The following PDLIM5 variants were observed in gnomAD, a reference collection of about 807,000 sequenced individuals.
The protein encoded by PDLIM5 is PDZ and LIM domain protein 5.
PDLIM5 carries 34 observed loss-of-function variants against 64.2 expected under a neutral mutation model. The ratio of observed to expected loss-of-function variants is 0.53; its 90% CI spans 0.40 to 0.71. PDLIM5 has a LOEUF of 0.71. Among genes scored for constraint, PDLIM5 ranks in the 30% least tolerant of loss-of-function variants. PDLIM5 has a pLI of 0.00. For missense variants in PDLIM5, 683 were observed against 733.6 expected (o/e 0.93, Z 0.80); for synonymous variants, 253 against 269.1 (o/e 0.94, Z 0.59).
chr4:94,623,417 T>C (rs908778375), intron 8 of PDLIM5, among the ~76,000 whole-genome samples: 1 of 152,210 alleles, frequency 6.6e-6, no homozygotes, highest in Admixed American at 6.5e-5. Context: ...AACTTCTCTT[T>C]ACCTTTTAAG....
chr4:94,562,246 C>T (rs1442878359), intron 3 of PDLIM5, among the ~76,000 whole-genome samples: 1 of 152,058 alleles, frequency 6.6e-6, no homozygotes, highest in Non-Finnish European at 1.5e-5. Context: ...CAAACTGAGG[C>T]TTATATATTC....
intron 3 of PDLIM5, among the ~76,000 whole-genome samples, chr4:94,545,505 A>G (rs1336159892): frequency 6.6e-6 from 1 of 152,194 alleles, no homozygotes; most frequent in African/African-American, 2.4e-5. Context: ...AATTATGAGA[A>G]AGAATGTTGC....
chr4:94,659,318 A>G (rs1051878171), intron 11 of PDLIM5, among the ~76,000 whole-genome samples: 3 of 152,078 alleles, frequency 2.0e-5, no homozygotes, highest in Non-Finnish European at 4.4e-5. Context: ...AACGTATATC[A>G]TATTCATTTA....
At chr4:94,459,256 T>C (rs1723656822) in intron 2 of PDLIM5, among the ~76,000 whole-genome samples, 1 of 152,236 alleles carries the variant, frequency 6.6e-6, no homozygotes. Flanking sequence ...TGGGCTCTTT[T>C]CTTCACTGTC....
At chr4:94,623,656 G>A (rs1739432280) in intron 8 of PDLIM5, among the ~76,000 whole-genome samples, 1 of 151,998 alleles carries the variant, frequency 6.6e-6, no homozygotes, top group African/African-American at 2.4e-5. Flanking sequence ...CAGTTTATAG[G>A]CCCTCAGTAA....
intron 2 of PDLIM5, among the ~76,000 whole-genome samples, chr4:94,484,130 G>A (rs1345441394): frequency 6.6e-6 from 1 of 152,152 alleles, no homozygotes; most frequent in Admixed American, 6.6e-5. Flanking sequence ...TCATGGTTCA[G>A]CCAACTCAGC....
rs551634936 is a variant in PDLIM5, at chr4:94,632,254, T to A, written c.1109-8022T>A. Among the ~76,000 whole-genome samples the A allele has an allele frequency of 2.6e-5, 4 of 152,362 alleles. No homozygotes were observed. In the South Asian group the frequency reaches 8.3e-4, roughly 32 times the overall value. On this transcript the variant is annotated intron_variant, in intron 8 of 12. Coordinates refer to ENST00000317968, the MANE Select transcript of PDLIM5 (RefSeq NM_006457.5). The stretch of plus-strand genomic sequence containing the variant: ...AGTGCATTGTTTGGTACATAGCAGT[T>A]GTTCAAAAAACATTTGCCTCATTTC...
intron 2 of PDLIM5, among the ~76,000 whole-genome samples, chr4:94,459,527 A>G (rs1299825808): frequency 6.6e-6 from 1 of 152,244 alleles, no homozygotes; most frequent in East Asian, 1.9e-4. Flanking sequence ...CAGAATTGTG[A>G]AACACTTTGC....
intron 7 of PDLIM5, among the ~76,000 whole-genome samples, chr4:94,608,398 C>A (rs1738101813): frequency 6.6e-6 from 1 of 152,148 alleles, no homozygotes; most frequent in African/African-American, 2.4e-5. Context: ...ATCAAGAAAT[C>A]TCTTTCATTT....
intron 2 of PDLIM5, among the ~76,000 whole-genome samples, chr4:94,497,629 G>T (rs1727520715): frequency 6.6e-6 from 1 of 152,178 alleles, no homozygotes; most frequent in Non-Finnish European, 1.5e-5. Flanking sequence ...CTGTCTTAAA[G>T]CCTGTTTGTA....
chr4:94,602,234 T>C (rs954435923), intron 7 of PDLIM5, among the ~76,000 whole-genome samples: 2 of 152,200 alleles, frequency 1.3e-5, no homozygotes, highest in Non-Finnish European at 2.9e-5. Context: ...CATTTTATCA[T>C]ATTTATATTC....
At chr4:94,654,908 T>A (rs1036677138) in intron 10 of PDLIM5, among the ~76,000 whole-genome samples, 5 of 152,160 alleles carry the variant, frequency 3.3e-5, no homozygotes, top group South Asian at 4.1e-4. Flanking sequence ...AATAATTTAC[T>A]GTGGGTGTGC....
chr4:94,487,203 A>G (rs1052533003), intron 2 of PDLIM5, among the ~76,000 whole-genome samples: 1 of 152,080 alleles, frequency 6.6e-6, no homozygotes, highest in Non-Finnish European at 1.5e-5. Context: ...TGTAACCCTA[A>G]TTTTGCTGCC....
rs756647488 is a variant in PDLIM5 at position 94,618,220 on chromosome 4, C to G, written c.1108+29C>G. 24 of 1,483,450 alleles carry G rather than the reference C, an allele frequency of 1.6e-5. No homozygotes were observed. In the East Asian group the frequency reaches 5.8e-4, roughly 36 times the overall value. The allele number at this position is 1,483,450 out of a possible 1,614,324, so 91.9% of individuals were successfully genotyped here. A position where few individuals can be genotyped will look rare whatever the true frequency, so the allele number is the denominator to read the frequency against. On this transcript the variant is annotated intron_variant, in intron 8 of 12. Transcript: ENST00000317968. ...GCCCAGAGAAATCTCTTGCGTCTTGCTTTTCGTAATGAGTTTCATTATGAA... is the reference window on the plus strand; with the variant it reads ...GCCCAGAGAAATCTCTTGCGTCTTGGTTTTCGTAATGAGTTTCATTATGAA...
chr4:94,578,327 T>C (rs559063167), intron 5 of PDLIM5, among the ~76,000 whole-genome samples: 77 of 152,350 alleles, frequency 5.1e-4, no homozygotes, highest in Non-Finnish European at 9.4e-4. Context: ...TGATGGCTTC[T>C]TAATCAATTG....
chr4:94,622,957 C>T (rs1259995071), intron 8 of PDLIM5, among the ~76,000 whole-genome samples: 34 of 152,104 alleles, frequency 2.2e-4, no homozygotes, highest in Non-Finnish European at 1.5e-5. Context: ...GCATAAGCCA[C>T]CACGCCCGGC....
At chr4:94,570,311 G>A (rs1021862291) in intron 3 of PDLIM5, among the ~76,000 whole-genome samples, 1 of 152,024 alleles carries the variant, frequency 6.6e-6, no homozygotes, top group Non-Finnish European at 1.5e-5. Context: ...CAAAAAGCCT[G>A]ACCAGCTTTG....
chr4:94,665,866 G>C lies in PDLIM5; in HGVS notation c.*1799G>C. ...GTTGGGAGGGGAGTTTAATTACTCA[G>C]ATTGGCCTGTTATTTGATTTCCTCC... On this transcript the variant is annotated 3_prime_UTR_variant, in exon 13 of 13. Transcript: ENST00000317968. 1.4e-6 allele frequency: 2 copies of C among 1,410,732 alleles called. No homozygotes were observed. Among genetic ancestry groups the C allele is most frequent in the South Asian group, 1.6e-5 (1 of 60,672 alleles). 87.4% of individuals were successfully genotyped at this position (1,410,732 alleles called of 1,614,324 possible).
At chr4:94,531,524 A>G (rs1489454530) in intron 3 of PDLIM5, among the ~76,000 whole-genome samples, 1 of 152,172 alleles carries the variant, frequency 6.6e-6, no homozygotes, top group African/African-American at 2.4e-5. Flanking sequence ...GATGAGCTTA[A>G]AGTAGTCACA....
Sources: gnomAD v4.1 joint callset for allele counts (sites outside exome capture counted in the v4.1 genomes callset) on GRCh38, gnomAD v4.1.1 for gene constraint, MANE v1.5 for transcripts, NCBI Gene and HGNC (gene_info 2026-07-23, HGNC 2026-07-21) for gene names.